Variants in NRXN1 observed in about 807,000 individuals in gnomAD.
NRXN1 encodes the protein neurexin-1.
A neutral mutation model predicts 150.9 loss-of-function variants in NRXN1; 39 were observed. The ratio of observed to expected loss-of-function variants is 0.26; its 90% CI spans 0.20 to 0.34. NRXN1 has a LOEUF of 0.34. NRXN1 is among the 10% of genes least tolerant of loss of function. NRXN1 has a pLI of 1.00. For missense variants in NRXN1, 1,815 were observed against 1,949.9 expected (o/e 0.93, Z 1.30); for synonymous variants, 924 against 757.0 (o/e 1.22, Z -3.62).
At chr2:50,668,864 G>C (rs972236528) in intron 5 of NRXN1, among the ~76,000 whole-genome samples, 1 of 151,978 alleles carries the variant, frequency 6.6e-6, no homozygotes, top group Non-Finnish European at 1.5e-5. Context: ...TGAGAGAAAT[G>C]AAGGAGGAGG....
chr2:50,256,984 A>T (rs2067764470), intron 17 of NRXN1, among the ~76,000 whole-genome samples: 1 of 152,082 alleles, frequency 6.6e-6, no homozygotes, highest in Non-Finnish European at 1.5e-5. Context: ...TTGAGAGATG[A>T]GTATTTCTGG....
At chr2:50,052,541 A>G (rs1273625272) in intron 21 of NRXN1, among the ~76,000 whole-genome samples, 2 of 152,122 alleles carry the variant, frequency 1.3e-5, no homozygotes, top group African/African-American at 4.8e-5. Context: ...GTAGGCAATC[A>G]ATAATTATGT....
At chr2:50,133,859 G>A (rs1282189150) in intron 18 of NRXN1, among the ~76,000 whole-genome samples, 1 of 152,160 alleles carries the variant, frequency 6.6e-6, no homozygotes, top group Admixed American at 6.5e-5. Flanking sequence ...TGAAGACTAG[G>A]ATACATTTAT....
chr2:50,191,702 C>A (rs1382373274), intron 18 of NRXN1, among the ~76,000 whole-genome samples: 1 of 152,170 alleles, frequency 6.6e-6, no homozygotes, highest in Non-Finnish European at 1.5e-5. Flanking sequence ...TTCTGTTGGA[C>A]TTTTTCATTC....
intron 17 of NRXN1, among the ~76,000 whole-genome samples, chr2:50,320,319 T>TATAC (rs2075942595): frequency 7.7e-6 from 1 of 130,416 alleles, no homozygotes; most frequent in South Asian, 2.4e-4. Context: ...TATATATATA[T>TATAC]ATATATATAG....
At chr2:50,502,485 C>T (rs1478489065) in intron 13 of NRXN1, among the ~76,000 whole-genome samples, 1 of 151,706 alleles carries the variant, frequency 6.6e-6, no homozygotes, top group African/African-American at 2.4e-5. Context: ...GACACACAAA[C>T]ACACACACAC....
intron 17 of NRXN1, among the ~76,000 whole-genome samples, chr2:50,447,557 CATATATATATAT>C (rs1251361563): frequency 7.3e-6 from 1 of 137,242 alleles, no homozygotes; most frequent in African/African-American, 2.7e-5. Context: ...TATATATATA[CATATATATATAT>C]TTCAAAAGAT....
At chr2:50,171,076 T>A (rs1435629853) in intron 18 of NRXN1, among the ~76,000 whole-genome samples, 2 of 152,154 alleles carry the variant, frequency 1.3e-5, no homozygotes, top group African/African-American at 4.8e-5. Context: ...TGGAAATTAA[T>A]CATCATAACA....
chr2:50,827,936 C>A (rs1483436445), intron 5 of NRXN1, among the ~76,000 whole-genome samples: 18 of 145,686 alleles, frequency 1.2e-4, no homozygotes, highest in African/African-American at 3.7e-4. Flanking sequence ...GGTCACAGAT[C>A]AACAGGATCC....
chr2:49,983,083 C>G (rs536751674), intron 21 of NRXN1, among the ~76,000 whole-genome samples: 35 of 152,258 alleles, frequency 2.3e-4, no homozygotes, highest in African/African-American at 7.5e-4. Flanking sequence ...TTTCTTGCAG[C>G]CTTTCCAAAT....
intron 5 of NRXN1, among the ~76,000 whole-genome samples, chr2:50,761,180 T>C (rs984725978): frequency 4.6e-5 from 7 of 151,808 alleles, no homozygotes; most frequent in African/African-American, 7.3e-5. Context: ...TTTTATTTTT[T>C]ATATGCATTT....
At chr2:50,967,921 T>C (rs1017551815) in intron 2 of NRXN1, among the ~76,000 whole-genome samples, 2 of 152,036 alleles carry the variant, frequency 1.3e-5, no homozygotes, top group South Asian at 2.1e-4. Flanking sequence ...CATGGCAATT[T>C]TGGCATAGCA....
chr2:50,501,884 A>G (rs1396211069), intron 13 of NRXN1, among the ~76,000 whole-genome samples: 1 of 152,180 alleles, frequency 6.6e-6, no homozygotes, highest in Non-Finnish European at 1.5e-5. Context: ...TAACTGACTT[A>G]ATAGAATTAC....
At chr2:50,091,655 A>G (rs1699593914) in intron 18 of NRXN1, among the ~76,000 whole-genome samples, 161 bp from the exon 19 acceptor site, 1 of 152,236 alleles carries the variant, frequency 6.6e-6, no homozygotes, top group African/African-American at 2.4e-5. Flanking sequence ...AAGATTCTTG[A>G]CATCTGGGTA....
intron 2 of NRXN1, among the ~76,000 whole-genome samples, chr2:50,944,491 A>G (rs1558466279): frequency 6.6e-6 from 1 of 152,180 alleles, no homozygotes; most frequent in East Asian, 1.9e-4. Flanking sequence ...GCTAATGAAT[A>G]ATAGACACCC....
intron 18 of NRXN1, among the ~76,000 whole-genome samples, chr2:50,155,669 G>A (rs1407799978): frequency 2.0e-5 from 3 of 151,394 alleles, no homozygotes; most frequent in Non-Finnish European, 4.4e-5. Context: ...AATACATGAT[G>A]CATATGTAGA....
chr2:50,611,666 G>A (rs1678156933), intron 8 of NRXN1, among the ~76,000 whole-genome samples: 1 of 152,178 alleles, frequency 6.6e-6, no homozygotes, highest in Non-Finnish European at 1.5e-5. Context: ...AATCTAGAAA[G>A]TACTTCCAAA....
chr2:50,753,949 A>G (rs1359604211), intron 5 of NRXN1, among the ~76,000 whole-genome samples: 1 of 114,910 alleles, frequency 8.7e-6, no homozygotes, highest in African/African-American at 3.7e-5. Flanking sequence ...TAAATTCATC[A>G]TGACGATTTT....
chr2:50,351,946 TG>T (rs2153001656), intron 17 of NRXN1, among the ~76,000 whole-genome samples: 1 of 152,272 alleles, frequency 6.6e-6, no homozygotes, highest in Non-Finnish European at 1.5e-5. Context: ...CATTAATAAA[TG>T]TCTAGATCTG....
Sources: gnomAD v4.1 joint callset for allele counts (sites outside exome capture counted in the v4.1 genomes callset) on GRCh38, gnomAD v4.1.1 for gene constraint, MANE v1.5 for transcripts, NCBI Gene and HGNC (gene_info 2026-07-23, HGNC 2026-07-21) for gene names.